STIM1: variants seen among roughly 807,000 people sequenced by gnomAD.
STIM1 encodes the protein stromal interaction molecule 1.
Under a neutral mutation model 74.7 loss-of-function variants are expected in STIM1, and 25 were observed. The ratio of observed to expected loss-of-function variants is 0.33; its 90% CI spans 0.24 to 0.47. The LOEUF is 0.47. STIM1 is among the 20% of genes least tolerant of loss of function. STIM1 has a pLI of 1.00. For synonymous variants in STIM1, 328 were observed against 348.8 expected (o/e 0.94, Z 0.66); for missense variants, 728 against 920.8 (o/e 0.79, Z 2.71).
At chr11:3,952,845 T>C (rs560254806) in intron 1 of STIM1, among the ~76,000 whole-genome samples, 49 of 152,272 alleles carry the variant, frequency 3.2e-4, no homozygotes, top group African/African-American at 1.1e-3. Flanking sequence ...GGCAGGCAAA[T>C]AGGCTGTCTA....
intron 2 of STIM1, chr11:3,989,498 G>C (rs1381741331): frequency 1.6e-6 from 1 of 622,042 alleles, no homozygotes; most frequent in African/African-American, 1.8e-5. Context: ...GGATGTCTGT[G>C]AGCCGCGGCG....
intron 3 of STIM1, among the ~76,000 whole-genome samples, chr11:4,032,440 T>C (rs1039424010): frequency 6.6e-6 from 1 of 152,244 alleles, no homozygotes; most frequent in Non-Finnish European, 1.5e-5. Context: ...TTGATTACCA[T>C]AGAATTATAA....
rs775887935 is a variant in STIM1, at chr11:4,070,063, G to GGT, written c.654_655dup (p.Ser219CysfsTer24). The GGT allele has an allele frequency of 6.2e-7, 1 of 1,614,178 alleles. No individual in the cohort carries two copies. Among genetic ancestry groups the GGT allele is most frequent in the South Asian group, 1.1e-5 (1 of 91,076 alleles). The stretch of plus-strand genomic sequence containing the variant: ...ATCACCTCAAGGACTTCATGCTGGT[G>GGT]GTGTCTATCGTTATTGGTGTGGGCG... On this transcript the variant is annotated frameshift_variant, in exon 6 of 13. Transcript: ENST00000526596. LOFTEE classifies it high-confidence loss of function.
intron 12 of STIM1, chr11:4,086,894 C>A: frequency 6.6e-7 from 1 of 1,513,608 alleles, no homozygotes; most frequent in South Asian, 1.2e-5. Flanking sequence ...TTCTTCCCTT[C>A]CTTCCCTTTC....
chr11:3,902,643 G>C (rs1218188859), intron 1 of STIM1, among the ~76,000 whole-genome samples: 2 of 152,220 alleles, frequency 1.3e-5, no homozygotes, highest in Admixed American at 6.5e-5. Flanking sequence ...ACCTCCTGCT[G>C]TGTGGCCTGG....
chr11:4,067,514 G>T (rs2094375777), intron 5 of STIM1, among the ~76,000 whole-genome samples: 1 of 152,224 alleles, frequency 6.6e-6, no homozygotes, highest in South Asian at 2.1e-4. Flanking sequence ...AGAGATGTTT[G>T]CCTGTAACAA....
At chr11:4,057,247 G>A (rs112079504) in intron 4 of STIM1, among the ~76,000 whole-genome samples, 6 of 152,200 alleles carry the variant, frequency 3.9e-5, no homozygotes, top group South Asian at 2.1e-4. Flanking sequence ...TCTTTGGCTT[G>A]GATTAAAACT....
chr11:4,088,667 T>G, intron 12 of STIM1: 1 of 1,534,116 alleles, frequency 6.5e-7, no homozygotes, highest in Non-Finnish European at 8.7e-7. Flanking sequence ...ACCTGGCCTG[T>G]TCACTACTTA....
At chr11:3,861,500 T>C (rs7930313) in intron 1 of STIM1, among the ~76,000 whole-genome samples, 40,227 of 152,014 alleles carry the variant, frequency 0.26, 5,652 homozygotes, top group East Asian at 0.35. Flanking sequence ...TCCCAAAGTG[T>C]GGGATTACAG....
intron 3 of STIM1, among the ~76,000 whole-genome samples, chr11:4,027,628 A>G (rs2094008788): frequency 6.6e-6 from 1 of 152,010 alleles, no homozygotes; most frequent in South Asian, 2.1e-4. Flanking sequence ...GGCCTTTTCT[A>G]ATTAGCTACT....
At chr11:4,007,344 T>A (rs1204005872) in intron 2 of STIM1, among the ~76,000 whole-genome samples, 1 of 152,220 alleles carries the variant, frequency 6.6e-6, no homozygotes, top group Non-Finnish European at 1.5e-5. Context: ...CTGTTTAGCT[T>A]TGTTATCACC....
intron 1 of STIM1, chr11:3,892,418 G>T: frequency 6.9e-7 from 1 of 1,448,684 alleles, no homozygotes; most frequent in Non-Finnish European, 9.7e-7. Flanking sequence ...GTCAGCAGTG[G>T]TGATCTTCTT....
At chr11:4,053,393 A>G (rs1286918943) in intron 3 of STIM1, among the ~76,000 whole-genome samples, 1 of 152,232 alleles carries the variant, frequency 6.6e-6, no homozygotes, top group African/African-American at 2.4e-5. Flanking sequence ...ATGGAATACT[A>G]TGCAGCCATA....
chr11:3,998,741 G>C (rs2093684758), intron 2 of STIM1, among the ~76,000 whole-genome samples: 2 of 152,142 alleles, frequency 1.3e-5, no homozygotes, highest in South Asian at 2.1e-4. Flanking sequence ...TCACCTGGGA[G>C]AGATCTAGAA....
intron 2 of STIM1, among the ~76,000 whole-genome samples, chr11:3,993,748 A>AT (rs1453591044): frequency 1.3e-5 from 2 of 152,218 alleles, no homozygotes; most frequent in African/African-American, 2.4e-5. Flanking sequence ...AGACCACCCT[A>AT]TTTAATAATG....
chr11:4,082,867 G>C lies in STIM1; in HGVS notation c.1138-15G>C, dbSNP rs1402688879. 3 of 1,610,056 alleles carry C rather than the reference G, an allele frequency of 1.9e-6. No homozygotes were observed. Among genetic ancestry groups the C allele is most frequent in the African/African-American group, 1.3e-5 (1 of 74,892 alleles). ...AATCCCTGCTCTTTTTGAGCTGGGG[G>C]CCTCATCTTTGCAGGCTGAGAAGAT... On this transcript the variant is annotated splice_polypyrimidine_tract_variant and intron_variant, in intron 8 of 12. Coordinates refer to ENST00000526596, the MANE Select transcript of STIM1 (RefSeq NM_001382567.1).
intron 1 of STIM1, among the ~76,000 whole-genome samples, chr11:3,901,063 C>T (rs374377580): frequency 1.4e-4 from 21 of 152,112 alleles, no homozygotes; most frequent in African/African-American, 3.6e-4. Flanking sequence ...TGGTGGTGTG[C>T]GCTTGTAGTC....
intron 2 of STIM1, 110 bp from the exon 3 acceptor site, chr11:4,023,763 T>C (rs1479345881): frequency 1.1e-5 from 8 of 755,670 alleles, no homozygotes; most frequent in East Asian, 8.1e-5. Flanking sequence ...CACTTGTATG[T>C]TGGGTAGATG....
At position 4,043,743 on chromosome 11, in the gene STIM1, G is replaced by A. The variant is rs970051849; in HGVS notation, c.386-11783G>A. Among the ~76,000 whole-genome samples the A allele has an allele frequency of 1.1e-4, 17 of 152,184 alleles. No individual in the cohort carries two copies. In the South Asian group the frequency reaches 1.2e-3, roughly 11 times the overall value. On this transcript the variant is annotated intron_variant, in intron 3 of 12. Coordinates refer to ENST00000526596, the MANE Select transcript of STIM1 (RefSeq NM_001382567.1). Reference sequence around the variant, plus strand: ...TTAAAAAGATTGGAGATGGCTGGGCGTGGTGGCTCATGCTTGTAATCCCAG... The same window carrying A: ...TTAAAAAGATTGGAGATGGCTGGGCATGGTGGCTCATGCTTGTAATCCCAG...
Sources: allele counts gnomAD v4.1 joint callset (sites outside exome capture counted in the v4.1 genomes callset), GRCh38; gene constraint gnomAD v4.1.1; transcripts MANE v1.5; gene names NCBI Gene and HGNC (gene_info 2026-07-23, HGNC 2026-07-21).